SKAP1: variants seen among roughly 807,000 people sequenced by gnomAD.
SKAP1 encodes src kinase-associated phosphoprotein 1.
In SKAP1, 44 loss-of-function variants were observed where a neutral mutation model predicts 58.5. The observed-to-expected ratio is 0.75, with a 90% CI of 0.59 to 0.97. SKAP1 has a LOEUF of 0.97. SKAP1 is among the 50% of genes least tolerant of loss of function. The pLI is 0.00. For missense variants in SKAP1, 390 were observed against 435.2 expected (o/e 0.90, Z 0.92); for synonymous variants, 127 against 149.7 (o/e 0.85, Z 1.11).
At chr17:48,249,616 G>C (rs2065339055) in intron 4 of SKAP1, among the ~76,000 whole-genome samples, 1 of 151,906 alleles carries the variant, frequency 6.6e-6, no homozygotes, top group Non-Finnish European at 1.5e-5. Flanking sequence ...CGAGGCTGCT[G>C]TGAACCATGA....
At chr17:48,420,852 C>A (rs1362929676) in intron 1 of SKAP1, among the ~76,000 whole-genome samples, 6 of 152,144 alleles carry the variant, frequency 3.9e-5, no homozygotes, top group Admixed American at 3.3e-4. Context: ...GGAAGTTTAG[C>A]AGCATCCTTA....
upstream of SKAP1, chr17:48,430,224 G>A: frequency 1.0e-6 from 1 of 978,516 alleles, no homozygotes; most frequent in Non-Finnish European, 1.3e-6. Context: ...TACCTCAGCC[G>A]CGGTCGCCGC....
chr17:48,441,234 G>C, the SKAP1 span, among the ~76,000 whole-genome samples: 1 of 152,154 alleles, frequency 6.6e-6, no homozygotes, highest in South Asian at 2.1e-4. Flanking sequence ...TGCAGAATGA[G>C]ATTCAACAAG....
chr17:48,263,548 C>G (rs1004817313), intron 4 of SKAP1, among the ~76,000 whole-genome samples: 1 of 152,182 alleles, frequency 6.6e-6, no homozygotes, highest in Non-Finnish European at 1.5e-5. Context: ...AGAATCTGAT[C>G]TATCTTCTAT....
chr17:48,257,628 CTTTTTTTTTTTTT>C (rs56225931), intron 4 of SKAP1, among the ~76,000 whole-genome samples: 11 of 111,148 alleles, frequency 9.9e-5, no homozygotes, highest in East Asian at 9.0e-4. Flanking sequence ...TTCTTTCTTT[CTTTTTTTTTTTTT>C]TTTTTTTGGT....
At position 48,162,454 on chromosome 17, in the gene SKAP1, A is replaced by G; in HGVS notation, c.978+15T>C. Reference sequence around the variant, plus strand: ...AATTGACTTTCTATTTAAGCCCCACACTTTCTGTCCTTACCTTGCTCAGAA... The same window carrying G: ...AATTGACTTTCTATTTAAGCCCCACGCTTTCTGTCCTTACCTTGCTCAGAA... On this transcript the variant is annotated intron_variant, in intron 11 of 12. Coordinates refer to ENST00000336915, the MANE Select transcript of SKAP1 (RefSeq NM_003726.4). 1.3e-6 allele frequency: 2 copies of G among 1,588,438 alleles called. No homozygotes were observed. Among genetic ancestry groups the G allele is most frequent in the Non-Finnish European group, 8.6e-7 (1 of 1,159,820 alleles).
intron 10 of SKAP1, among the ~76,000 whole-genome samples, chr17:48,164,923 A>G (rs868364898): frequency 4.6e-5 from 7 of 152,362 alleles, no homozygotes; most frequent in South Asian, 2.1e-4. Context: ...GTATGTGTGC[A>G]TGCAACTTCA....
intron 4 of SKAP1, among the ~76,000 whole-genome samples, chr17:48,197,360 G>C (rs2064650542): frequency 6.6e-6 from 1 of 151,964 alleles, no homozygotes; most frequent in Admixed American, 6.6e-5. Context: ...TTCCAGTGTA[G>C]GGCTCATGCA....
At chr17:48,387,440 T>C (rs2067291427) in intron 2 of SKAP1, among the ~76,000 whole-genome samples, 1 of 152,198 alleles carries the variant, frequency 6.6e-6, no homozygotes, top group South Asian at 2.1e-4. Flanking sequence ...TATTATCACT[T>C]TCAACATATA....
At chr17:48,271,042 T>C (rs1023294518) in intron 4 of SKAP1, among the ~76,000 whole-genome samples, 8 of 151,664 alleles carry the variant, frequency 5.3e-5, no homozygotes, top group Non-Finnish European at 8.8e-5. Context: ...CCAAGGAAAA[T>C]TTTGCTTGTT....
chr17:48,252,437 T>C (rs981625864), intron 4 of SKAP1, among the ~76,000 whole-genome samples: 3 of 152,230 alleles, frequency 2.0e-5, no homozygotes, highest in African/African-American at 7.2e-5. Context: ...CTGGTATATG[T>C]TGTTTTGCGC....
intron 4 of SKAP1, among the ~76,000 whole-genome samples, chr17:48,329,027 G>C (rs1174181463): frequency 6.6e-6 from 1 of 152,146 alleles, no homozygotes; most frequent in African/African-American, 2.4e-5. Flanking sequence ...ATTTTAAATA[G>C]TTTCTTAGTC....
intron 3 of SKAP1, among the ~76,000 whole-genome samples, chr17:48,353,941 A>AGAG (rs2066840539): frequency 6.7e-6 from 1 of 149,842 alleles, no homozygotes; most frequent in African/African-American, 2.5e-5. Context: ...AAGAAGAGGA[A>AGAG]GAAGAAGAAG....
chr17:48,153,501 TGA>T (rs2063929444), intron 11 of SKAP1, among the ~76,000 whole-genome samples: 1 of 152,188 alleles, frequency 6.6e-6, no homozygotes, highest in South Asian at 2.1e-4. Context: ...GGGTTATTAA[TGA>T]GAGAAAACAC....
At chr17:48,418,078 A>G (rs1439058482) in intron 1 of SKAP1, among the ~76,000 whole-genome samples, 1 of 152,140 alleles carries the variant, frequency 6.6e-6, no homozygotes, top group Non-Finnish European at 1.5e-5. Context: ...GCTTGAGCTC[A>G]GCAGTTTAAG....
At chr17:48,405,401 C>CT (rs1253939152) in intron 1 of SKAP1, among the ~76,000 whole-genome samples, 1 of 51,214 alleles carries the variant, frequency 2.0e-5, no homozygotes, top group South Asian at 7.9e-4. Flanking sequence ...TCCTTTCTTT[C>CT]TTTCTTTCTT....
Position 48,371,412 on chromosome 17 carries a change from A to G in SKAP1, c.153-7598T>C, listed in dbSNP as rs751930180. ...AGATTCTTGGCCATGGAGCTAACCAAAGAACATAGTTATTGAGATTAAAGT... is the reference window on the plus strand; with the variant it reads ...AGATTCTTGGCCATGGAGCTAACCAGAGAACATAGTTATTGAGATTAAAGT... On this transcript the variant is annotated intron_variant, in intron 2 of 12. Transcript: ENST00000336915. Among the ~76,000 whole-genome samples the G allele has an allele frequency of 2.6e-4, 39 of 152,230 alleles. 1 individual carries two copies. In the Middle Eastern group the frequency reaches 0.02, roughly 80 times the overall value.
intron 4 of SKAP1, among the ~76,000 whole-genome samples, chr17:48,194,528 A>G (rs146732461): frequency 5.3e-5 from 8 of 152,246 alleles, no homozygotes; most frequent in African/African-American, 1.9e-4. Flanking sequence ...AATTGGAGAA[A>G]TCAGTTGGCA....
At chr17:48,240,675 G>A (rs1021591518) in intron 4 of SKAP1, among the ~76,000 whole-genome samples, 1 of 152,110 alleles carries the variant, frequency 6.6e-6, no homozygotes. Flanking sequence ...GAAACCAAAT[G>A]GTTTATTGTG....
Sources: gnomAD v4.1 joint callset for allele counts (sites outside exome capture counted in the v4.1 genomes callset) on GRCh38, gnomAD v4.1.1 for gene constraint, MANE v1.5 for transcripts, NCBI Gene and HGNC (gene_info 2026-07-23, HGNC 2026-07-21) for gene names.